The following CSMD1 variants were observed in gnomAD, a reference collection of about 807,000 sequenced individuals.
CSMD1 encodes CUB and sushi domain-containing protein 1.
A neutral mutation model predicts 417.5 loss-of-function variants in CSMD1; 213 were observed. The observed-to-expected ratio is 0.51, with a 90% CI of 0.46 to 0.57. The LOEUF (loss-of-function observed/expected upper bound fraction) is 0.57. Among genes scored for constraint, CSMD1 ranks in the 20% least tolerant of loss-of-function variants. CSMD1 has a pLI of 0.00. For synonymous variants in CSMD1, 2,862 were observed against 1,736.8 expected (o/e 1.65, Z -16.11); for missense variants, 6,923 against 4,529.7 (o/e 1.53, Z -15.17).
At chr8:3,987,865 G>T (rs966927286) in intron 5 of CSMD1, among the ~76,000 whole-genome samples, 1 of 152,172 alleles carries the variant, frequency 6.6e-6, no homozygotes, top group Non-Finnish European at 1.5e-5. Context: ...ATGGTTCAGG[G>T]TCCAATCTGT....
intron 5 of CSMD1, among the ~76,000 whole-genome samples, chr8:3,883,061 C>A (rs977990071): frequency 6.6e-6 from 1 of 152,164 alleles, no homozygotes; most frequent in African/African-American, 2.4e-5. Flanking sequence ...GAGCCACTGA[C>A]ATAAATGTGT....
At chr8:4,513,861 C>G (rs755462354) in intron 2 of CSMD1, among the ~76,000 whole-genome samples, 1 of 152,144 alleles carries the variant, frequency 6.6e-6, no homozygotes, top group Non-Finnish European at 1.5e-5. Context: ...TTATTTTCCT[C>G]TCTAGGTCTG....
intron 1 of CSMD1, among the ~76,000 whole-genome samples, chr8:4,917,564 G>T (rs573133445): frequency 1.3e-5 from 2 of 152,180 alleles, no homozygotes; most frequent in African/African-American, 4.8e-5. Context: ...AACCCAGGAA[G>T]CGGAGGTTGC....
chr8:4,864,122 T>A (rs1479589242), intron 1 of CSMD1, among the ~76,000 whole-genome samples: 1 of 151,968 alleles, frequency 6.6e-6, no homozygotes. Context: ...GAAAACTTTG[T>A]CTGGGTATTT....
intron 26 of CSMD1, among the ~76,000 whole-genome samples, chr8:3,233,965 G>T (rs542986073): frequency 6.6e-6 from 1 of 152,174 alleles, no homozygotes; most frequent in Admixed American, 6.5e-5. Context: ...TGAGTTGCAT[G>T]CATCTATGTC....
intron 3 of CSMD1, among the ~76,000 whole-genome samples, chr8:4,298,665 G>C (rs192648957): frequency 1.3e-5 from 2 of 152,146 alleles, no homozygotes; most frequent in East Asian, 1.9e-4. Context: ...GTTCTAAGAA[G>C]TTATTTCATT....
At position 3,712,662 on chromosome 8, in the gene CSMD1, G is replaced by T. The variant is rs184506911; in HGVS notation, c.932-4171C>A. ...AGTCACAATCTTCGGAGGTGAGCTT[G>T]GTTTAGCTTTGTTAGTCCAGTTATC... On this transcript the variant is annotated intron_variant, in intron 6 of 69. Coordinates refer to ENST00000635120, the MANE Select transcript of CSMD1 (RefSeq NM_033225.6). Among the ~76,000 whole-genome samples, 10 of 152,220 alleles carry T rather than the reference G, an allele frequency of 6.6e-5. No homozygotes were observed. The East Asian group carries it at 1.9e-3, about 29-fold the overall frequency.
chr8:3,438,487 T>C (rs541585160), intron 12 of CSMD1, among the ~76,000 whole-genome samples: 2 of 152,296 alleles, frequency 1.3e-5, no homozygotes, highest in East Asian at 3.9e-4. Context: ...CCTATAAGAA[T>C]GTTGTAGAAA....
intron 3 of CSMD1, among the ~76,000 whole-genome samples, chr8:4,132,063 G>A (rs1013009669): frequency 3.3e-5 from 5 of 151,996 alleles, no homozygotes; most frequent in Non-Finnish European, 7.4e-5. Flanking sequence ...TAAAAGCAAA[G>A]CATTATAGAT....
At chr8:4,450,579 C>A (rs1352194996) in intron 2 of CSMD1, among the ~76,000 whole-genome samples, 1 of 151,946 alleles carries the variant, frequency 6.6e-6, no homozygotes, top group African/African-American at 2.4e-5. Flanking sequence ...AGGTTGCAGC[C>A]CAGATCGCAC....
At chr8:3,302,395 C>T (rs1460632219) in intron 25 of CSMD1, among the ~76,000 whole-genome samples, 3 of 152,046 alleles carry the variant, frequency 2.0e-5, no homozygotes, top group Non-Finnish European at 4.4e-5. Flanking sequence ...CCCTGGCTGC[C>T]TATCTAAGGT....
intron 1 of CSMD1, among the ~76,000 whole-genome samples, chr8:4,852,032 T>C (rs1187913287): frequency 6.6e-6 from 1 of 152,220 alleles, no homozygotes; most frequent in Non-Finnish European, 1.5e-5. Flanking sequence ...TAACCTGTAA[T>C]ACCTCCTCAG....
chr8:4,169,809 G>A (rs544212297), intron 3 of CSMD1, among the ~76,000 whole-genome samples: 1 of 152,184 alleles, frequency 6.6e-6, no homozygotes, highest in East Asian at 1.9e-4. Flanking sequence ...TCCACCAGCA[G>A]CACTTTCTGT....
At chr8:4,779,717 A>C (rs575474045) in intron 1 of CSMD1, among the ~76,000 whole-genome samples, 1 of 152,236 alleles carries the variant, frequency 6.6e-6, no homozygotes, top group Non-Finnish European at 1.5e-5. Flanking sequence ...GAATGTATAA[A>C]ACCAAAGGAA....
intron 3 of CSMD1, among the ~76,000 whole-genome samples, chr8:4,176,960 G>A (rs1378731032): frequency 6.6e-6 from 1 of 151,462 alleles, no homozygotes; most frequent in Non-Finnish European, 1.5e-5. Context: ...AAGAGACTTA[G>A]ACTCCCACAC....
At chr8:3,283,974 C>CA (rs1802942740) in intron 26 of CSMD1, among the ~76,000 whole-genome samples, 170 bp downstream of exon 26, 1 of 152,268 alleles carries the variant, frequency 6.6e-6, no homozygotes, top group Admixed American at 6.5e-5. Flanking sequence ...ATGAACCCAG[C>CA]AATGGGGGAA....
chr8:3,189,973 G>C lies in CSMD1; in HGVS notation c.5337C>G (p.Leu1779=), dbSNP rs35125470. 0.021 allele frequency: 33,755 copies of C among 1,598,148 alleles called. 1,864 individuals carry two copies. Among genetic ancestry groups the C allele is most frequent in the African/African-American group, 0.21 (15,457 of 74,658 alleles). ...PGYLLQGSTA[L]HCQSVPNALA... is the part of the protein sequence containing the mutation. ...AGGCGTTGGGCACGGACTGGCAGTG[G>C]AGCGCCGTGGAACCCTGAAGCAGGT... is the stretch of plus-strand genomic sequence containing the variant. Residue 1779 remains leucine (L), a synonymous_variant, in exon 34 of 70, where the codon CTC becomes CTG. Transcript: ENST00000635120.
chr8:2,951,066 G>T, intron 66 of CSMD1, 48 bp downstream of exon 66: 1 of 1,571,150 alleles, frequency 6.4e-7, no homozygotes, highest in Non-Finnish European at 8.6e-7. Context: ...AAGATAACAG[G>T]TCTATTTCTG....
chr8:4,755,000 T>G (rs949404648), intron 1 of CSMD1, among the ~76,000 whole-genome samples: 1 of 152,018 alleles, frequency 6.6e-6, no homozygotes, highest in Non-Finnish European at 1.5e-5. Context: ...CAGCCGGGCA[T>G]GGTGGCATGT....
Sources: gnomAD v4.1 joint callset for allele counts (sites outside exome capture counted in the v4.1 genomes callset) on GRCh38, gnomAD v4.1.1 for gene constraint, MANE v1.5 for transcripts, NCBI Gene and HGNC (gene_info 2026-07-23, HGNC 2026-07-21) for gene names.